The following PPWD1 variants were observed in gnomAD, a reference collection of about 807,000 sequenced individuals.
PPWD1 encodes the protein peptidylprolyl isomerase domain and WD repeat-containing protein 1.
Under a neutral mutation model 68.8 loss-of-function variants are expected in PPWD1, and 43 were observed. The observed-to-expected ratio is 0.62, with a 90% CI of 0.49 to 0.81. The LOEUF is 0.81. PPWD1 is among the 30% of genes least tolerant of loss of function. PPWD1 has a pLI of 0.00. For missense variants in PPWD1, 672 were observed against 804.8 expected (o/e 0.83, Z 2.00); for synonymous variants, 232 against 258.7 (o/e 0.90, Z 0.99).
At chr5:65,585,237 A>G (rs1221664712) in intron 9 of PPWD1, 142 bp downstream of exon 9, 1 of 772,364 alleles carries the variant, frequency 1.3e-6, no homozygotes, top group African/African-American at 1.8e-5. Context: ...AAGCCAAAGG[A>G]GGAGTGGATG....
chr5:65,581,922 A>G (rs749885791), intron 7 of PPWD1, among the ~76,000 whole-genome samples: 6 of 152,226 alleles, frequency 3.9e-5, no homozygotes, highest in Non-Finnish European at 7.3e-5. Flanking sequence ...ACAAATCCAT[A>G]TATGAGCTAA....
At chr5:65,578,827 TAA>T (rs961848236) in intron 6 of PPWD1, among the ~76,000 whole-genome samples, 67 of 148,904 alleles carry the variant, frequency 4.5e-4, no homozygotes, top group African/African-American at 1.4e-3. Flanking sequence ...TACTTTTTTT[TAA>T]AAAAAGAGTT....
At position 65,563,870 on chromosome 5, in the gene PPWD1, G is replaced by A. The variant is rs939748322; in HGVS notation, c.196+364G>A. The A allele has an allele frequency of 1.0e-5, 15 of 1,458,488 alleles. No homozygotes were observed. The African/African-American group carries it at 2.0e-4, about 19-fold the overall frequency. 90.3% of individuals were successfully genotyped at this position (1,458,488 alleles called of 1,614,324 possible). A position where few individuals can be genotyped will look rare whatever the true frequency, so the allele number is the denominator to read the frequency against. ...CAAAAGGGTACCAGTTCTCTTTAAG[G>A]CTTTAGTTCAGGAGTGGTGTTAATG... On this transcript the variant is annotated intron_variant, in intron 1 of 10. Transcript: ENST00000261308.
At chr5:65,569,461 G>C in intron 2 of PPWD1, 171 bp from the exon 3 acceptor site, 1 of 583,944 alleles carries the variant, frequency 1.7e-6, no homozygotes, top group Middle Eastern at 5.3e-4. Context: ...CCAGAAAGGA[G>C]TTTCAAAATT....
chr5:65,571,875 A>G lies in PPWD1; in HGVS notation c.558A>G (p.Pro186=), dbSNP rs1451223585. The change falls in exon 5 of 11, where the codon CCA becomes CCG. Residue 186 remains proline (P), a synonymous_variant. Transcript: ENST00000261308. ...GACAGTGTGAGTGGATCTATTGCCC[A>G]GGGGATGCAATTTCTTCAGTTGCTG... ...FPGQCEWIYC[P]GDAISSVAAS... is the part of the protein sequence containing the mutation. The G allele has an allele frequency of 1.2e-6, 2 of 1,613,942 alleles. No individual in the cohort carries two copies. Among genetic ancestry groups the G allele is most frequent in the South Asian group, 1.1e-5 (1 of 91,080 alleles).
At chr5:65,567,445 G>A in intron 1 of PPWD1, 68 bp from the exon 2 acceptor site, 1 of 1,444,110 alleles carries the variant, frequency 6.9e-7, no homozygotes, top group Non-Finnish European at 9.2e-7. Flanking sequence ...TTTAAATAAA[G>A]AAAATACAAA....
At chr5:65,585,304 AAGCAAT>A (rs1753788325) in intron 9 of PPWD1, among the ~76,000 whole-genome samples, 1 of 152,198 alleles carries the variant, frequency 6.6e-6, no homozygotes, top group Non-Finnish European at 1.5e-5. Flanking sequence ...AGAAACACTG[AAGCAAT>A]ATTTTGTCAG....
At position 65,583,210 on chromosome 5, in the gene PPWD1, T is replaced by C; in HGVS notation, c.1523T>C (p.Phe508Ser). The C allele has an allele frequency of 1.3e-6, 2 of 1,584,708 alleles. No individual in the cohort carries two copies. The highest frequency in any genetic ancestry group is 2.3e-5 in the East Asian group (1 of 44,424). The part of the protein sequence containing the change: ...TSMGDIHTKL[F>S]PVECPKTVEN... ...ATGGGAGACATTCACACCAAACTTTTTCCTGTTGAGTATGTATAACAACTG... is the reference window on the plus strand; with the variant it reads ...ATGGGAGACATTCACACCAAACTTTCTCCTGTTGAGTATGTATAACAACTG... The change falls in exon 8 of 11, where the codon TTT becomes TCT. Residue 508 changes from phenylalanine to serine, a missense_variant. Coordinates refer to ENST00000261308, the MANE Select transcript of PPWD1 (RefSeq NM_015342.4).
At chr5:65,573,476 T>TATATATATATATATATATATATAA (rs201295161) in intron 5 of PPWD1, among the ~76,000 whole-genome samples, 19 of 59,654 alleles carry the variant, frequency 3.2e-4, no homozygotes, top group East Asian at 9.0e-4. Context: ...TATATATATA[T>TATATATATATATATATATATATAA]TTTTTTTTTA....
intron 7 of PPWD1, among the ~76,000 whole-genome samples, chr5:65,580,931 G>T (rs757928420): frequency 1.0e-3 from 154 of 152,020 alleles, no homozygotes; most frequent in Non-Finnish European, 1.5e-3. Flanking sequence ...TTATTTTTTT[G>T]GCCTCTGACG....
chr5:65,585,947 C>T (rs974146307), intron 9 of PPWD1, 52 bp from the exon 10 acceptor site: 94 of 1,580,568 alleles, frequency 5.9e-5, no homozygotes, highest in Non-Finnish European at 2.3e-5. Context: ...AACTTCAAAG[C>T]GTACATATAT....
intron 6 of PPWD1, among the ~76,000 whole-genome samples, chr5:65,578,773 CATATATATGTGTATATATATATACAT>C (rs1389793812): frequency 1.6e-4 from 10 of 63,646 alleles, no homozygotes; most frequent in African/African-American, 3.6e-4. Context: ...TATATATATA[CATATATATGTGTATATATATATACAT>C]ATATATGTGT....
At chr5:65,582,373 C>T (rs897823212) in intron 7 of PPWD1, among the ~76,000 whole-genome samples, 6 of 152,136 alleles carry the variant, frequency 3.9e-5, no homozygotes, top group Non-Finnish European at 5.9e-5. Flanking sequence ...GGTTTAGATT[C>T]TAGGTCAGTT....
intron 5 of PPWD1, among the ~76,000 whole-genome samples, chr5:65,573,497 GT>G (rs199517260): frequency 0.061 from 1,573 of 25,888 alleles, 126 homozygotes; most frequent in African/African-American, 0.18. Context: ...TTAGAGATGG[GT>G]TTTTTTTAGT....
chr5:65,564,395 C>G (rs895224172), intron 1 of PPWD1, among the ~76,000 whole-genome samples: 2 of 146,016 alleles, frequency 1.4e-5, no homozygotes, highest in African/African-American at 5.1e-5. Flanking sequence ...GTGGCGCTAT[C>G]TCGGCTCACC....
intron 6 of PPWD1, among the ~76,000 whole-genome samples, chr5:65,577,804 C>T (rs547064611): frequency 6.6e-6 from 1 of 152,244 alleles, no homozygotes; most frequent in East Asian, 1.9e-4. Context: ...ACCCTCTGCC[C>T]CAACACATGC....
chr5:65,572,602 T>A (rs1445175223), intron 5 of PPWD1, among the ~76,000 whole-genome samples: 2 of 152,178 alleles, frequency 1.3e-5, no homozygotes, highest in African/African-American at 2.4e-5. Flanking sequence ...CTTCTCACTC[T>A]TTATTCACTC....
In PPWD1 at chr5:65,569,963, A is replaced by C; in HGVS notation, c.486A>C (p.Val162=). The change falls in exon 4 of 11, where the codon GTA becomes GTC. Residue 162 remains valine (V), a synonymous_variant. Transcript: ENST00000261308. The stretch of plus-strand genomic sequence containing the variant: ...ATAAAGCAATGAAGGTGTTTGATGT[A>C]GTGAACTTTGACATGATCAACATGC... ...GDDKAMKVFD[V]VNFDMINMLK... The C allele has an allele frequency of 6.2e-7, 1 of 1,612,294 alleles. No individual in the cohort carries two copies. The highest frequency in any genetic ancestry group is 2.2e-5 in the East Asian group (1 of 44,744).
At chr5:65,582,863 GTAAAAA>G in intron 7 of PPWD1, 169 bp from the exon 8 acceptor site, 1 of 795,102 alleles carries the variant, frequency 1.3e-6, no homozygotes, top group Non-Finnish European at 1.8e-6. Context: ...ATTAGACAAT[GTAAAAA>G]TAATTTAATT....
Sources: allele counts gnomAD v4.1 joint callset (sites outside exome capture counted in the v4.1 genomes callset), GRCh38; gene constraint gnomAD v4.1.1; transcripts MANE v1.5; gene names NCBI Gene and HGNC (gene_info 2026-07-23, HGNC 2026-07-21).